TSPAN2: variants seen among roughly 807,000 people sequenced by gnomAD.
TSPAN2 encodes tetraspanin-2.
A neutral mutation model predicts 33.3 loss-of-function variants in TSPAN2; 24 were observed. The ratio of observed to expected loss-of-function variants is 0.72; its 90% CI spans 0.52 to 1.01. TSPAN2 has a LOEUF of 1.01. TSPAN2 is among the 50% of genes least tolerant of loss of function. The pLI, the probability that TSPAN2 is intolerant of heterozygous loss-of-function variation, is 0.00. For missense variants in TSPAN2, 278 were observed against 281.3 expected (o/e 0.99, Z 0.08); for synonymous variants, 114 against 104.5 (o/e 1.09, Z -0.56).
At chr1:115,085,625 C>T (rs950646421) in intron 1 of TSPAN2, among the ~76,000 whole-genome samples, 1 of 152,112 alleles carries the variant, frequency 6.6e-6, no homozygotes, top group African/African-American at 2.4e-5. Flanking sequence ...GGAAAACTAT[C>T]CCCCACCCCT....
intron 1 of TSPAN2, among the ~76,000 whole-genome samples, chr1:115,085,766 C>T (rs1344786550): frequency 6.6e-6 from 1 of 152,000 alleles, no homozygotes; most frequent in Admixed American, 6.6e-5. Flanking sequence ...CCACACTTTC[C>T]CTTAAGTCAT....
At chr1:115,078,240 G>A (rs1335082388) in intron 1 of TSPAN2, among the ~76,000 whole-genome samples, 1 of 152,162 alleles carries the variant, frequency 6.6e-6, no homozygotes, top group African/African-American at 2.4e-5. Flanking sequence ...CTCACATAAT[G>A]TTTTCTACTT....
chr1:115,073,072 G>A (rs554373353), intron 1 of TSPAN2, 65 bp from the exon 2 acceptor site: 1 of 1,369,264 alleles, frequency 7.3e-7, no homozygotes, highest in Admixed American at 1.7e-5. Context: ...TCCGAGAGCA[G>A]GCTCTAGGCA....
At chr1:115,050,576 A>G (rs753669301) in intron 7 of TSPAN2, 21 bp from the exon 8 acceptor site, 22 of 1,612,474 alleles carry the variant, frequency 1.4e-5, no homozygotes, top group Non-Finnish European at 1.8e-5. Flanking sequence ...AGAAACACTC[A>G]TCAGTGACTT....
intron 6 of TSPAN2, among the ~76,000 whole-genome samples, chr1:115,055,469 A>C (rs939536540): frequency 2.0e-5 from 3 of 152,142 alleles, no homozygotes; most frequent in Non-Finnish European, 4.4e-5. Context: ...ACTTAATATT[A>C]CAACTTTAAA....
intron 5 of TSPAN2, among the ~76,000 whole-genome samples, chr1:115,058,669 T>C (rs899798311): frequency 6.6e-6 from 1 of 152,260 alleles, no homozygotes; most frequent in African/African-American, 2.4e-5. Flanking sequence ...GTTCATGCTC[T>C]TCTGTCTCTC....
In TSPAN2 at chr1:115,065,714, A is replaced by T. The variant is rs114074008; in HGVS notation, c.173-3482T>A. 8.3e-3 allele frequency among the ~76,000 whole-genome samples: 1,269 copies of T among 152,336 alleles called. 23 individuals are homozygous for T. Among genetic ancestry groups the T allele is most frequent in the African/African-American group, 0.029 (1,195 of 41,572 alleles). The stretch of plus-strand genomic sequence containing the variant: ...TGTAAGGATCAAATCAGTGTCACTG[A>T]GATATCCATCACCTCAAACATTTAT... On this transcript the variant is annotated intron_variant, in intron 2 of 7. Transcript: ENST00000369516.
Position 115,076,375 on chromosome 1 carries a change from G to A in TSPAN2, c.70-3368C>T, listed in dbSNP as rs182046538. ...TACCATCTTGGAAAGCCCATAGCAAGGTCTGCCTGAGGGGAGGAGGGACAG... is the reference window on the plus strand; with the variant it reads ...TACCATCTTGGAAAGCCCATAGCAAAGTCTGCCTGAGGGGAGGAGGGACAG... On this transcript the variant is annotated intron_variant, in intron 1 of 7. Transcript: ENST00000369516. 7.9e-5 allele frequency among the ~76,000 whole-genome samples: 12 copies of A among 152,276 alleles called. No homozygotes were observed. The East Asian group carries it at 2.3e-3, about 29-fold the overall frequency.
chr1:115,086,248 A>C (rs1489552052), intron 1 of TSPAN2, among the ~76,000 whole-genome samples: 1 of 152,248 alleles, frequency 6.6e-6, no homozygotes, highest in Non-Finnish European at 1.5e-5. Flanking sequence ...CTGTTACTCC[A>C]ATAGCACAGA....
chr1:115,067,718 G>A (rs977116014), intron 2 of TSPAN2, among the ~76,000 whole-genome samples: 2 of 152,200 alleles, frequency 1.3e-5, no homozygotes, highest in Non-Finnish European at 2.9e-5. Flanking sequence ...GTCAGGCTGC[G>A]ATCCTGGAGA....
intron 1 of TSPAN2, among the ~76,000 whole-genome samples, chr1:115,083,330 A>G (rs1227877594): frequency 6.6e-6 from 1 of 152,268 alleles, no homozygotes; most frequent in Non-Finnish European, 1.5e-5. Context: ...GGTGAAATGC[A>G]ATGAACAATG....
At position 115,072,982 on chromosome 1, in the gene TSPAN2, A is replaced by G; in HGVS notation, c.95T>C (p.Phe32Ser). 6.2e-7 allele frequency: 1 copy of G among 1,614,184 alleles called. No homozygotes were observed. Among genetic ancestry groups the G allele is most frequent in the Non-Finnish European group, 8.5e-7 (1 of 1,180,032 alleles). Residue 32 changes from phenylalanine to serine, a missense_variant, in exon 2 of 8, where the codon TTT becomes TCT. Coordinates refer to ENST00000369516, the MANE Select transcript of TSPAN2 (RefSeq NM_005725.6). The stretch of plus-strand genomic sequence containing the variant: ...ACCTCCGAACCGAAACCATAGTCCA[A>G]AAGCAATGACGGCCGATCCAGCCAG... ...FWLAGSAVIAFGLWFRFGGAI... is the reference protein window; with the variant it reads ...FWLAGSAVIASGLWFRFGGAI...
intron 1 of TSPAN2, among the ~76,000 whole-genome samples, chr1:115,081,948 C>A (rs1648640727): frequency 6.6e-6 from 1 of 152,152 alleles, no homozygotes; most frequent in Admixed American, 6.5e-5. Context: ...AAGTCAGTAG[C>A]CTTTTGTGGA....
chr1:115,071,215 C>T (rs1243117325), intron 2 of TSPAN2, among the ~76,000 whole-genome samples: 1 of 152,156 alleles, frequency 6.6e-6, no homozygotes, highest in Non-Finnish European at 1.5e-5. Context: ...TAATTCGCTT[C>T]TTGGCCATGA....
At chr1:115,071,998 A>G (rs1292083270) in intron 2 of TSPAN2, among the ~76,000 whole-genome samples, 1 of 152,182 alleles carries the variant, frequency 6.6e-6, no homozygotes, top group African/African-American at 2.4e-5. Context: ...CAGCAACTGA[A>G]GCTTACTCTA....
intron 6 of TSPAN2, among the ~76,000 whole-genome samples, chr1:115,055,395 CTT>C (rs1402013608): frequency 1.5e-5 from 2 of 131,206 alleles, no homozygotes; most frequent in African/African-American, 2.7e-5. Context: ...GTTGGTGATA[CTT>C]ACACACACAA....
chr1:115,056,034 A>G (rs1191371374), intron 6 of TSPAN2, among the ~76,000 whole-genome samples: 2 of 152,158 alleles, frequency 1.3e-5, no homozygotes, highest in African/African-American at 2.4e-5. Context: ...AACATACTTA[A>G]TCCTCTAGTC....
At chr1:115,083,082 A>T (rs1344795502) in intron 1 of TSPAN2, among the ~76,000 whole-genome samples, 1 of 152,230 alleles carries the variant, frequency 6.6e-6, no homozygotes, top group East Asian at 1.9e-4. Context: ...GAGTTAATTC[A>T]TCTGTAAGAT....
intron 1 of TSPAN2, among the ~76,000 whole-genome samples, chr1:115,078,657 C>T (rs183681815): frequency 6.6e-6 from 1 of 152,248 alleles, no homozygotes; most frequent in East Asian, 1.9e-4. Flanking sequence ...GAGCCCTCAC[C>T]AGAATCCAAC....
Sources: gnomAD v4.1 joint callset for allele counts (sites outside exome capture counted in the v4.1 genomes callset) on GRCh38, gnomAD v4.1.1 for gene constraint, MANE v1.5 for transcripts, NCBI Gene and HGNC (gene_info 2026-07-23, HGNC 2026-07-21) for gene names.